SH3TC1: variants seen among roughly 807,000 people sequenced by gnomAD.
SH3TC1 encodes SH3 domain and tetratricopeptide repeats 1, also known as SH3 domain and tetratricopeptide repeat-containing protein 1.
SH3TC1 carries 135 observed loss-of-function variants against 117.3 expected under a neutral mutation model. The ratio of observed to expected loss-of-function variants is 1.15; its 90% CI spans 1.00 to 1.33. SH3TC1 has a LOEUF of 1.33. SH3TC1 is among the 40% of genes most tolerant of loss of function. The pLI, the probability that SH3TC1 is intolerant of heterozygous loss-of-function variation, is 0.00. For synonymous variants in SH3TC1, 898 were observed against 816.9 expected (o/e 1.10, Z -1.69); for missense variants, 2,092 against 1,794.3 (o/e 1.17, Z -3.00).
At chr4:8,213,606 T>C (rs932553954) in intron 4 of SH3TC1, among the ~76,000 whole-genome samples, 2 of 151,980 alleles carry the variant, frequency 1.3e-5, no homozygotes, top group Non-Finnish European at 2.9e-5. Context: ...GAATAAGAAA[T>C]GGGGCCTTCA....
Position 8,233,475 on chromosome 4 carries a change from A to G in SH3TC1, c.3244A>G (p.Ile1082Val). The G allele has an allele frequency of 6.2e-7, 1 of 1,613,508 alleles. No homozygotes were observed. The highest frequency in any genetic ancestry group is 8.5e-7 in the Non-Finnish European group (1 of 1,179,764). ...GCTGCAAGCAGGGAAGATCTATTAC[A>G]TCTTGCGGCAGAGCGAGCTGGTGGA... ...AWLQAGKIYY[I>V]LRQSELVDLY... The change falls in exon 14 of 18, where the codon ATC becomes GTC. Residue 1082 changes from isoleucine (I) to valine (V), a missense_variant. Coordinates refer to ENST00000245105, the MANE Select transcript of SH3TC1 (RefSeq NM_018986.5).
At chr4:8,237,362 A>C in intron 16 of SH3TC1, 112 bp from the exon 17 acceptor site, 1 of 897,046 alleles carries the variant, frequency 1.1e-6, no homozygotes, top group Admixed American at 3.2e-5. Context: ...GGGACTGGCC[A>C]GAACTGCCCA....
chr4:8,214,299 G>C (rs972319468), intron 4 of SH3TC1, among the ~76,000 whole-genome samples, 176 bp from the exon 5 acceptor site: 10 of 152,316 alleles, frequency 6.6e-5, no homozygotes, highest in Middle Eastern at 3.4e-3. Flanking sequence ...GGGGAGCCAC[G>C]GCTGGCTTGA....
intron 1 of SH3TC1, among the ~76,000 whole-genome samples, chr4:8,184,984 C>T (rs1263962883): frequency 1.3e-5 from 2 of 150,166 alleles, no homozygotes; most frequent in African/African-American, 2.4e-5. Context: ...ATTTCACATT[C>T]ATCCTGGGAG....
chr4:8,215,612 C>T (rs573081686), intron 5 of SH3TC1, among the ~76,000 whole-genome samples: 9 of 152,282 alleles, frequency 5.9e-5, no homozygotes, highest in East Asian at 3.9e-4. Context: ...ACACGTGCAC[C>T]GAGCCTCCTA....
At chr4:8,212,860 G>T in intron 4 of SH3TC1, 32 bp downstream of exon 4, 1 of 1,518,240 alleles carries the variant, frequency 6.6e-7, no homozygotes. Flanking sequence ...GCTCAGGGAT[G>T]GGAGCTGGAG....
In SH3TC1 at chr4:8,212,760, C is replaced by A. The variant is rs145592188; in HGVS notation, c.307C>A (p.Gln103Lys). 1.1e-5 allele frequency: 18 copies of A among 1,612,652 alleles called. No homozygotes were observed. Among genetic ancestry groups the A allele is most frequent in the Non-Finnish European group, 1.4e-5 (17 of 1,179,842 alleles). ...RKSRLRDPGL[Q>K]QTLRGQLRLL... is the part of the protein sequence containing the mutation. ...GAGCAGACTGCGGGACCCCGGCCTA[C>A]AGCAGACCCTCCGGGGCCAGCTCCG... The change falls in exon 4 of 18, where the codon CAG (glutamine) becomes AAG (lysine). Residue 103 changes from glutamine to lysine, a missense_variant. Transcript: ENST00000245105.
chr4:8,238,086 T>C (rs1486112493), intron 17 of SH3TC1, among the ~76,000 whole-genome samples: 1 of 152,064 alleles, frequency 6.6e-6, no homozygotes, highest in Non-Finnish European at 1.5e-5. Context: ...TGTTGCAACA[T>C]CCAACCCAAA....
intron 15 of SH3TC1, 73 bp downstream of exon 15, chr4:8,235,628 A>C: frequency 6.8e-7 from 1 of 1,473,432 alleles, no homozygotes; most frequent in Non-Finnish European, 9.0e-7. Context: ...CAGGTGTGGC[A>C]GGGCAGAGCC....
At position 8,237,490 on chromosome 4, in the gene SH3TC1, G is replaced by A; in HGVS notation, c.3573G>A (p.Glu1191=). The A allele has an allele frequency of 6.3e-7, 1 of 1,592,022 alleles. No homozygotes were observed. Among genetic ancestry groups the A allele is most frequent in the East Asian group, 2.3e-5 (1 of 44,108 alleles). Reference sequence around the variant, plus strand: ...GCACCCCAGGGGACCGGCTGAACGAGCGCGTGGCCTACCACCGGCTGGCCG... The same window carrying A: ...GCACCCCAGGGGACCGGCTGAACGAACGCGTGGCCTACCACCGGCTGGCCG... ...LSITLGDRLN[E]RVAYHRLAAL... is the part of the protein sequence containing the mutation. The change falls in exon 17 of 18, where the codon GAG becomes GAA. Residue 1191 remains glutamate, a synonymous_variant. Transcript: ENST00000245105.
In SH3TC1 at chr4:8,240,711, C is replaced by T; in HGVS notation, c.3767C>T (p.Ala1256Val). ...TGTCCCCTTCAGGACCCGTTTGATG[C>T]AGCCGGGTACTACCAGCTGGCGCTG... ...IFYDLKDPFDAAGYYQLALAA... is the reference protein window; with the variant it reads ...IFYDLKDPFDVAGYYQLALAA... The change falls in exon 18 of 18, where the codon GCA becomes GTA. Residue 1256 changes from alanine (A) to valine (V), a missense_variant. Ala to Val is a moderately conservative substitution (Grantham distance 64, BLOSUM62 0). Coordinates refer to ENST00000245105, the MANE Select transcript of SH3TC1 (RefSeq NM_018986.5). 1.2e-6 allele frequency: 2 copies of T among 1,614,046 alleles called. No homozygotes were observed.
At chr4:8,224,806 C>T (rs563006059) in intron 10 of SH3TC1, among the ~76,000 whole-genome samples, 6 of 152,270 alleles carry the variant, frequency 3.9e-5, no homozygotes, top group Non-Finnish European at 7.4e-5. Context: ...AAGCCGAGAG[C>T]GTGCTCCCCA....
chr4:8,219,241 C>A, intron 8 of SH3TC1, 94 bp from the exon 9 acceptor site: 1 of 1,269,564 alleles, frequency 7.9e-7, no homozygotes, highest in Non-Finnish European at 1.1e-6. Flanking sequence ...AAGATGAATT[C>A]CCCATGGTTC....
At chr4:8,238,017 G>A (rs1032818485) in intron 17 of SH3TC1, among the ~76,000 whole-genome samples, 24 of 152,188 alleles carry the variant, frequency 1.6e-4, no homozygotes, top group Admixed American at 3.3e-4. Context: ...ATCTAACAAA[G>A]AAAACAGGGT....
chr4:8,208,334 C>T (rs1399775285), intron 2 of SH3TC1, among the ~76,000 whole-genome samples: 2 of 152,012 alleles, frequency 1.3e-5, no homozygotes, highest in Non-Finnish European at 2.9e-5. Context: ...AAGATCTGAG[C>T]ACCACATACT....
intron 1 of SH3TC1, among the ~76,000 whole-genome samples, chr4:8,184,939 G>A (rs553576069): frequency 6.4e-4 from 67 of 105,272 alleles, no homozygotes; most frequent in African/African-American, 1.9e-3. Flanking sequence ...TGAGATTGTC[G>A]TATACATTTG....
chr4:8,235,506 T>C lies in SH3TC1; in HGVS notation c.3356T>C (p.Ile1119Thr), dbSNP rs140996511. 1 of 1,606,544 alleles carries C rather than the reference T, an allele frequency of 6.2e-7. No homozygotes were observed. Among genetic ancestry groups the C allele is most frequent in the African/African-American group, 1.3e-5 (1 of 74,800 alleles). Residue 1119 changes from isoleucine (I) to threonine (T), a missense_variant, in exon 15 of 18, where the codon ATC becomes ACC. Physicochemically the swap from Ile to Thr is moderately conservative, Grantham distance 89. Coordinates refer to ENST00000245105, the MANE Select transcript of SH3TC1 (RefSeq NM_018986.5). Reference protein sequence around the residue: ...GLELFEAAGDIFFDGAWEREK... With the variant: ...GLELFEAAGDTFFDGAWEREK... ...GAGCTGTTTGAGGCGGCTGGAGACA[T>C]CTTCTTCGACGGGGCCTGGGAGCGG...
In SH3TC1 at chr4:8,215,459, T is replaced by C. The variant is rs1414974454; in HGVS notation, c.482-652T>C. ...TGATCCGGTTCTTGGAGGAAGTGGC[T>C]CATCTGTGGCTGCCCATCCACAGTG... On this transcript the variant is annotated intron_variant, in intron 5 of 17. Transcript: ENST00000245105. Among the ~76,000 whole-genome samples the C allele has an allele frequency of 4.6e-5, 7 of 152,146 alleles. No individual in the cohort carries two copies. In the East Asian group the frequency reaches 1.4e-3, roughly 29 times the overall value.
chr4:8,236,169 CA>C, intron 15 of SH3TC1, 108 bp from the exon 16 acceptor site: 2 of 1,348,774 alleles, frequency 1.5e-6, no homozygotes, highest in Non-Finnish European at 9.8e-7. Flanking sequence ...TGTCGAGGCC[CA>C]GGGGTAGCTG....
Sources: allele counts gnomAD v4.1 joint callset (sites outside exome capture counted in the v4.1 genomes callset), GRCh38; gene constraint gnomAD v4.1.1; transcripts MANE v1.5; gene names NCBI Gene and HGNC (gene_info 2026-07-23, HGNC 2026-07-21).